The following GOLT1B variants were observed in gnomAD, a reference collection of about 807,000 sequenced individuals.
The protein encoded by GOLT1B is vesicle transport protein GOT1B.
In GOLT1B, 3 loss-of-function variants were observed where a neutral mutation model predicts 15.4. The ratio of observed to expected loss-of-function variants is 0.19; its 90% CI spans 0.09 to 0.50. The LOEUF (loss-of-function observed/expected upper bound fraction) is 0.50. GOLT1B is among the 20% of genes least tolerant of loss of function. The pLI is 0.97. For synonymous variants in GOLT1B, 65 were observed against 56.2 expected, an observed-to-expected ratio of 1.16 and a Z score of -0.70; for missense variants, 145 against 160.4, an observed-to-expected ratio of 0.90 and a Z score of 0.52.
At chr12:21,514,527 C>A (rs146881759) in intron 4 of GOLT1B, among the ~76,000 whole-genome samples, 5 of 152,280 alleles carry the variant, frequency 3.3e-5, no homozygotes, top group African/African-American at 1.2e-4. Flanking sequence ...CTTAAATTTA[C>A]CTTAAAATTC....
At position 21,517,105 on chromosome 12, in the gene GOLT1B, G is replaced by A. The variant is rs1484259387; in HGVS notation, c.*1398G>A. ...TTGCAAAGCTTTTTAATGCATAAAA[G>A]TATAATTGAAATCTGTGGTATTTAT... On this transcript the variant is annotated 3_prime_UTR_variant, in exon 5 of 5. Coordinates refer to ENST00000229314, the MANE Select transcript of GOLT1B (RefSeq NM_016072.5). The A allele has an allele frequency of 6.6e-6, 1 of 152,366 alleles. No individual in the cohort carries two copies. Among genetic ancestry groups the A allele is most frequent in the African/African-American group, 2.4e-5 (1 of 41,418 alleles). 9.4% of individuals were successfully genotyped at this position (152,366 alleles called of 1,614,324 possible).
chr12:21,509,933 G>A (rs1943707965), intron 3 of GOLT1B, among the ~76,000 whole-genome samples: 1 of 152,200 alleles, frequency 6.6e-6, no homozygotes. Flanking sequence ...ATGACTTGTT[G>A]AGAAAAGTAT....
chr12:21,506,708 G>A (rs574609468), intron 1 of GOLT1B, among the ~76,000 whole-genome samples, 177 bp from the exon 2 acceptor site: 1 of 152,042 alleles, frequency 6.6e-6, no homozygotes, highest in East Asian at 1.9e-4. Flanking sequence ...GAAATAATTT[G>A]CTGATAATTA....
chr12:21,515,596 AT>A, intron 4 of GOLT1B, 72 bp from the exon 5 acceptor site: 1 of 802,320 alleles, frequency 1.2e-6, no homozygotes, highest in South Asian at 1.5e-5. Flanking sequence ...TAAAATCAAC[AT>A]TTTAAATATT....
In GOLT1B at chr12:21,501,922, C is replaced by A. The variant is rs376068029; in HGVS notation, c.-2C>A. 1.2e-6 allele frequency: 2 copies of A among 1,607,012 alleles called. No homozygotes were observed. Among genetic ancestry groups the A allele is most frequent in the South Asian group, 2.2e-5 (2 of 90,862 alleles). On this transcript the variant is annotated 5_prime_UTR_variant, in exon 1 of 5. Transcript: ENST00000229314. ...GTCGCCGCTGTCCCCACCACTGCAG[C>A]CATGATCTCCTTAACGGACACGCAG... is the stretch of plus-strand genomic sequence containing the variant.
At chr12:21,506,071 G>A (rs1943676576) in intron 1 of GOLT1B, among the ~76,000 whole-genome samples, 1 of 151,952 alleles carries the variant, frequency 6.6e-6, no homozygotes, top group African/African-American at 2.4e-5. Flanking sequence ...TTCAGTACCT[G>A]GAACAGTTCC....
intron 2 of GOLT1B, chr12:21,508,093 GAC>G: frequency 2.5e-6 from 1 of 402,688 alleles, no homozygotes; most frequent in Non-Finnish European, 4.7e-6. Context: ...AACTACTGCA[GAC>G]ACAGATGCCC....
At chr12:21,509,111 A>G (rs1943700717) in intron 3 of GOLT1B, among the ~76,000 whole-genome samples, 1 of 152,234 alleles carries the variant, frequency 6.6e-6, no homozygotes, top group South Asian at 2.1e-4. Context: ...ATATGAAAAT[A>G]CCTTTGGCCA....
At position 21,508,552 on chromosome 12, in the gene GOLT1B, T is replaced by C. The variant is rs1308875746; in HGVS notation, c.287T>C (p.Leu96Pro). Residue 96 changes from leucine to proline, a missense_variant, in exon 3 of 5, where the codon CTC becomes CCC. By Grantham distance (98) the Leu-to-Pro change is moderately conservative (BLOSUM62 -3). Coordinates refer to ENST00000229314, the MANE Select transcript of GOLT1B (RefSeq NM_016072.5). ...ATCTTCGAAATTTATGGATTTTTTCTCTTGTTCAGGTAAGGCATATTATTG... is the reference window on the plus strand; with the variant it reads ...ATCTTCGAAATTTATGGATTTTTTCCCTTGTTCAGGTAAGGCATATTATTG... ...GMIFEIYGFF[L>P]LFRGFFPVVV... 6.5e-7 allele frequency: 1 copy of C among 1,546,386 alleles called. No homozygotes were observed. The highest frequency in any genetic ancestry group is 8.9e-7 in the Non-Finnish European group (1 of 1,120,768).
At chr12:21,502,270 G>C (rs1943636847) in intron 1 of GOLT1B, among the ~76,000 whole-genome samples, 1 of 152,152 alleles carries the variant, frequency 6.6e-6, no homozygotes, top group Non-Finnish European at 1.5e-5. Context: ...CTTTGTTCTA[G>C]GGGCTTGCCA....
intron 1 of GOLT1B, among the ~76,000 whole-genome samples, chr12:21,503,045 T>G (rs1267264027): frequency 6.6e-6 from 1 of 152,218 alleles, no homozygotes; most frequent in Non-Finnish European, 1.5e-5. Flanking sequence ...TCAGGCTGTC[T>G]TCCCTCCTGA....
chr12:21,503,619 T>G (rs558346054), intron 1 of GOLT1B, among the ~76,000 whole-genome samples: 2 of 152,352 alleles, frequency 1.3e-5, no homozygotes, highest in South Asian at 4.1e-4. Context: ...TTTTACTCTT[T>G]GCTGTTCACT....
intron 1 of GOLT1B, among the ~76,000 whole-genome samples, chr12:21,503,031 C>A (rs374085385): frequency 2.6e-5 from 4 of 152,346 alleles, no homozygotes; most frequent in Admixed American, 2.0e-4. Flanking sequence ...CTGCCACCCC[C>A]CAATCAGGCT....
chr12:21,505,444 A>G (rs1943672360), intron 1 of GOLT1B, among the ~76,000 whole-genome samples: 1 of 152,152 alleles, frequency 6.6e-6, no homozygotes, highest in Non-Finnish European at 1.5e-5. Context: ...AAGGCCTTTG[A>G]TCATGAAAGT....
intron 3 of GOLT1B, among the ~76,000 whole-genome samples, chr12:21,510,389 T>A (rs1204729768): frequency 2.6e-5 from 4 of 152,202 alleles, no homozygotes; most frequent in Non-Finnish European, 5.9e-5. Flanking sequence ...ATGTGGGGGT[T>A]TTAGTAATGA....
At position 21,515,742 on chromosome 12, in the gene GOLT1B, G is replaced by A. The variant is rs375392967; in HGVS notation, c.*35G>A. 2.2e-6 allele frequency: 2 copies of A among 926,368 alleles called. No individual in the cohort carries two copies. The highest frequency in any genetic ancestry group is 3.3e-5 in the African/African-American group (2 of 60,054). The allele number at this position is 926,368 out of a possible 1,614,324, so 57.4% of individuals were successfully genotyped here. A position where few individuals can be genotyped will look rare whatever the true frequency, so the allele number is the denominator to read the frequency against. ...AATTTGAAGACTCATTTAAAATATT[G>A]TGTTATTTATAAAGTCATTTGAAGA... On this transcript the variant is annotated 3_prime_UTR_variant, in exon 5 of 5. Coordinates refer to ENST00000229314, the MANE Select transcript of GOLT1B (RefSeq NM_016072.5).
chr12:21,510,989 G>A (rs1027464140), intron 3 of GOLT1B, among the ~76,000 whole-genome samples: 1 of 152,154 alleles, frequency 6.6e-6, no homozygotes, highest in Non-Finnish European at 1.5e-5. Flanking sequence ...CAATCAGTTA[G>A]TTGTCTGCAA....
rs1483135497 is a variant in GOLT1B at position 21,517,529 on chromosome 12, C to G, written c.*1822C>G. ...TATTTACAATGTCTTGATAATTCTACCTTTTTAGAGCAAGAATAGTATCTG... is the reference window on the plus strand; with the variant it reads ...TATTTACAATGTCTTGATAATTCTAGCTTTTTAGAGCAAGAATAGTATCTG... On this transcript the variant is annotated 3_prime_UTR_variant, in exon 5 of 5. Transcript: ENST00000229314. 2 of 152,070 alleles carry G rather than the reference C, an allele frequency of 1.3e-5. No homozygotes were observed. Among genetic ancestry groups the G allele is most frequent in the Non-Finnish European group, 2.9e-5 (2 of 67,926 alleles). The allele number at this position is 152,070 out of a possible 1,614,324, so 9.4% of individuals were successfully genotyped here.
chr12:21,515,941 A>G lies in GOLT1B; in HGVS notation c.*234A>G, dbSNP rs1355448249. 2.4e-6 allele frequency: 1 copy of G among 411,406 alleles called. No homozygotes were observed. The highest frequency in any genetic ancestry group is 4.3e-6 in the Non-Finnish European group (1 of 234,688). The allele number at this position is 411,406 out of a possible 1,614,324, so 25.5% of individuals were successfully genotyped here. The stretch of plus-strand genomic sequence containing the variant: ...AAGCAAACTGAGAGAGGTGAAATCC[A>G]TGTTAATGATGCTTAAGAAACTCTT... On this transcript the variant is annotated 3_prime_UTR_variant, in exon 5 of 5. Transcript: ENST00000229314.
Sources: allele counts gnomAD v4.1 joint callset (sites outside exome capture counted in the v4.1 genomes callset), GRCh38; gene constraint gnomAD v4.1.1; transcripts MANE v1.5; gene names NCBI Gene and HGNC (gene_info 2026-07-23, HGNC 2026-07-21).